RNF7: variants seen among roughly 807,000 people sequenced by gnomAD.
The protein encoded by RNF7 is ring finger protein 7.
Under a neutral mutation model 17.0 loss-of-function variants are expected in RNF7, and 9 were observed. The ratio of observed to expected loss-of-function variants is 0.53; its 90% confidence interval spans 0.32 to 0.92. RNF7 has a LOEUF of 0.92. RNF7 is among the 40% of genes least tolerant of loss of function. The pLI is 0.04. For missense variants in RNF7, 87 were observed against 145.8 expected, an observed-to-expected ratio of 0.60 and a Z score of 2.08; for synonymous variants, 59 against 50.5, an observed-to-expected ratio of 1.17 and a Z score of -0.72.
Position 141,740,685 on chromosome 3 carries a change from G to T in RNF7, c.175+2169G>T, listed in dbSNP as rs767340807. On this transcript the variant is annotated intron_variant, in intron 1 of 2. Coordinates refer to ENST00000273480, the MANE Select transcript of RNF7 (RefSeq NM_014245.5). ...TAGCATCATTCTAAAAGGTGTTATTGTACTCCTTAGAAATGTGCTGTTTTA... is the reference window on the plus strand; with the variant it reads ...TAGCATCATTCTAAAAGGTGTTATTTTACTCCTTAGAAATGTGCTGTTTTA... Among the ~76,000 whole-genome samples the T allele has an allele frequency of 2.6e-5, 4 of 152,232 alleles. No homozygotes were observed. In the Middle Eastern group the frequency reaches 0.01, roughly 388 times the overall value.
Position 141,738,424 on chromosome 3 carries a change from A to G in RNF7, c.83A>G (p.Lys28Arg). The part of the protein sequence containing the change: ...GSSGSKSGGD[K>R]MFSLKKWNAV... ...TCAGGCTCCAAGTCGGGAGGCGACA[A>G]GATGTTCTCCCTCAAGAAGTGGAAC... Residue 28 changes from lysine to arginine, a missense_variant, in exon 1 of 3, where the codon AAG (lysine) becomes AGG (arginine). Lys to Arg is a conservative substitution (Grantham distance 26). Coordinates refer to ENST00000273480, the MANE Select transcript of RNF7 (RefSeq NM_014245.5). 3 of 1,612,596 alleles carry G rather than the reference A, an allele frequency of 1.9e-6. No homozygotes were observed. The highest frequency in any genetic ancestry group is 2.5e-6 in the Non-Finnish European group (3 of 1,179,374).
intron 1 of RNF7, chr3:141,742,945 C>A (rs2084435898): frequency 9.9e-7 from 1 of 1,014,384 alleles, no homozygotes; most frequent in East Asian, 1.0e-4. Context: ...GTTTATGAAG[C>A]AATTTTTTAA....
At position 141,738,405 on chromosome 3, in the gene RNF7, T is replaced by G; in HGVS notation, c.64T>G (p.Ser22Ala). 1 of 1,607,698 alleles carries G rather than the reference T, an allele frequency of 6.2e-7. No homozygotes were observed. The highest frequency in any genetic ancestry group is 8.5e-7 in the Non-Finnish European group (1 of 1,177,140). ...GGCCTCTCACTCCGGGAGCTCAGGC[T>G]CCAAGTCGGGAGGCGACAAGATGTT... ...ALASHSGSSG[S>A]KSGGDKMFSL... is the part of the protein sequence containing the mutation. The change falls in exon 1 of 3, where the codon TCC becomes GCC. Residue 22 changes from serine (S) to alanine (A), a missense_variant. By Grantham distance (99) the Ser-to-Ala change is moderately conservative. Coordinates refer to ENST00000273480, the MANE Select transcript of RNF7 (RefSeq NM_014245.5).
chr3:141,745,491 G>A lies in RNF7; in HGVS notation c.*214G>A, dbSNP rs1236727491. On this transcript the variant is annotated 3_prime_UTR_variant, in exon 3 of 3. Coordinates refer to ENST00000273480, the MANE Select transcript of RNF7 (RefSeq NM_014245.5). The stretch of plus-strand genomic sequence containing the variant: ...GCGATTAAGAAGATAATTTATTAAA[G>A]GTGGTCCTTCCTACCTCTGTGGTGT... 2.9e-6 allele frequency: 1 copy of A among 348,790 alleles called. No homozygotes were observed. Among genetic ancestry groups the A allele is most frequent in the Non-Finnish European group, 5.4e-6 (1 of 185,324 alleles). The allele number at this position is 348,790 out of a possible 1,614,324, so 21.6% of individuals were successfully genotyped here.
Position 141,746,539 on chromosome 3 carries a change from C to T in RNF7, c.*1262C>T, listed in dbSNP as rs2084475097. ...TAAGGTTTATTACCTGGAAAGAGTG[C>T]AAGAAAATACTAAACAACTTTATCA... On this transcript the variant is annotated 3_prime_UTR_variant, in exon 3 of 3. Coordinates refer to ENST00000273480, the MANE Select transcript of RNF7 (RefSeq NM_014245.5). The T allele has an allele frequency of 6.6e-6, 1 of 151,104 alleles. No homozygotes were observed. The highest frequency in any genetic ancestry group is 2.0e-4 in the East Asian group (1 of 5,104). The allele number at this position is 151,104 out of a possible 1,614,324, so 9.4% of individuals were successfully genotyped here. A position where few individuals can be genotyped will look rare whatever the true frequency, so the allele number is the denominator to read the frequency against.
intron 1 of RNF7, chr3:141,742,810 C>G: frequency 8.3e-7 from 1 of 1,206,380 alleles, no homozygotes; most frequent in Non-Finnish European, 1.0e-6. Flanking sequence ...CTATTGGAAG[C>G]ATACAAAGCA....
In RNF7 at chr3:141,738,926, G is replaced by A. The variant is rs568666358; in HGVS notation, c.175+410G>A. Among the ~76,000 whole-genome samples, 47 of 152,362 alleles carry A rather than the reference G, an allele frequency of 3.1e-4. No homozygotes were observed. In the South Asian group the frequency reaches 8.7e-3, roughly 28 times the overall value. On this transcript the variant is annotated intron_variant, in intron 1 of 2. Coordinates refer to ENST00000273480, the MANE Select transcript of RNF7 (RefSeq NM_014245.5). ...ACCTCTAAAAGCTCAACACAAGGTG[G>A]TCAGGGTAAAGGCCGTGATTCAGCA... is the stretch of plus-strand genomic sequence containing the variant.
At position 141,745,598 on chromosome 3, in the gene RNF7, TACA is replaced by T. The variant is rs142492597; in HGVS notation, c.*325_*327del. 0.064 allele frequency: 10,167 copies of T among 159,128 alleles called. 331 individuals carry two copies. Among genetic ancestry groups the T allele is most frequent in the South Asian group, 0.11 (553 of 5,004 alleles). The allele number at this position is 159,128 out of a possible 1,614,324, so 9.9% of individuals were successfully genotyped here. On this transcript the variant is annotated 3_prime_UTR_variant, in exon 3 of 3. Coordinates refer to ENST00000273480, the MANE Select transcript of RNF7 (RefSeq NM_014245.5). ...CACCTTTATAATTTACCCATTTCTA[TACA>T]ACAGGCAGTGGAAGCAGTTTCAGAG...
In RNF7 at chr3:141,738,433, C is replaced by T; in HGVS notation, c.92C>T (p.Ser31Phe). 1 of 1,613,200 alleles carries T rather than the reference C, an allele frequency of 6.2e-7. No individual in the cohort carries two copies. Among genetic ancestry groups the T allele is most frequent in the Non-Finnish European group, 8.5e-7 (1 of 1,179,600 alleles). ...AAGTCGGGAGGCGACAAGATGTTCT[C>T]CCTCAAGAAGTGGAACGCGGTGGCC... ...GSKSGGDKMFSLKKWNAVAMW... is the reference protein window; with the variant it reads ...GSKSGGDKMFFLKKWNAVAMW... The change falls in exon 1 of 3, where the codon TCC becomes TTC. Residue 31 changes from serine to phenylalanine, a missense_variant. Coordinates refer to ENST00000273480, the MANE Select transcript of RNF7 (RefSeq NM_014245.5).
intron 1 of RNF7, among the ~76,000 whole-genome samples, chr3:141,741,230 C>G (rs1221426738): frequency 6.6e-6 from 1 of 152,204 alleles, no homozygotes; most frequent in South Asian, 2.1e-4. Flanking sequence ...GATGTCTTCA[C>G]TGTTATATCA....
rs1254272913 is a variant in RNF7, at chr3:141,743,460, A to T, written c.176-49A>T. The T allele has an allele frequency of 2.0e-6, 3 of 1,501,526 alleles. No homozygotes were observed. The South Asian group carries it at 3.5e-5, about 17-fold the overall frequency. 93.0% of individuals were successfully genotyped at this position (1,501,526 alleles called of 1,614,324 possible). A position where few individuals can be genotyped will look rare whatever the true frequency, so the allele number is the denominator to read the frequency against. ...GACTTTGAAGTGTCTGGTTTTTAAA[A>T]ATTGCATTCTGAGCATCAGAATGAG... On this transcript the variant is annotated intron_variant, in intron 1 of 2. Transcript: ENST00000273480.
chr3:141,742,667 T>A, intron 1 of RNF7: 7 of 1,152,026 alleles, frequency 6.1e-6, no homozygotes, highest in Non-Finnish European at 8.1e-6. Flanking sequence ...AGTTCGTAAT[T>A]GGTCCGAGGC....
At chr3:141,738,646 T>G in intron 1 of RNF7, 130 bp downstream of exon 1, 1 of 986,322 alleles carries the variant, frequency 1.0e-6, no homozygotes, top group East Asian at 3.0e-5. Context: ...GAGGTCGCCC[T>G]GCCCCGGCGC....
chr3:141,739,758 CTTTTGAAAGACCTTGATAT>C (rs1345112255), intron 1 of RNF7, among the ~76,000 whole-genome samples: 6 of 152,172 alleles, frequency 3.9e-5, no homozygotes, highest in Non-Finnish European at 8.8e-5. Context: ...TTATCTTTCT[CTTTTGAAAGACCTTGATAT>C]TAGACATGAC....
intron 2 of RNF7, among the ~76,000 whole-genome samples, chr3:141,744,442 A>G (rs1432916828): frequency 1.3e-5 from 2 of 152,114 alleles, no homozygotes; most frequent in African/African-American, 2.4e-5. Flanking sequence ...GGACAGATGA[A>G]TCCCAAATTC....
At chr3:141,741,690 T>G (rs9790069) in intron 1 of RNF7, among the ~76,000 whole-genome samples, 1,653 of 152,332 alleles carry the variant, frequency 0.011, 28 homozygotes, top group East Asian at 0.07. Context: ...GCTGATAGTA[T>G]TCCAGATTGA....
rs1035301409 is a variant in RNF7, at chr3:141,746,556, A to G, written c.*1279A>G. ...AAAGAGTGCAAGAAAATACTAAACA[A>G]CTTTATCAAACTGATTCACACTGAG... is the stretch of plus-strand genomic sequence containing the variant. On this transcript the variant is annotated 3_prime_UTR_variant, in exon 3 of 3. Coordinates refer to ENST00000273480, the MANE Select transcript of RNF7 (RefSeq NM_014245.5). 2.0e-5 allele frequency: 3 copies of G among 152,122 alleles called. No individual in the cohort carries two copies. Among genetic ancestry groups the G allele is most frequent in the Non-Finnish European group, 2.9e-5 (2 of 68,010 alleles). The allele number at this position is 152,122 out of a possible 1,614,324, so 9.4% of individuals were successfully genotyped here.
chr3:141,743,869 T>A (rs979617866), intron 2 of RNF7, among the ~76,000 whole-genome samples: 3 of 152,226 alleles, frequency 2.0e-5, no homozygotes, highest in African/African-American at 7.2e-5. Flanking sequence ...AAACATTATT[T>A]GAATTTTGGC....
chr3:141,738,741 C>T (rs1326092610), intron 1 of RNF7, among the ~76,000 whole-genome samples: 2 of 152,224 alleles, frequency 1.3e-5, no homozygotes, highest in Non-Finnish European at 2.9e-5. Context: ...CAACAGGCGC[C>T]CTGCGCCGGG....
Sources: gnomAD v4.1 joint callset for allele counts (sites outside exome capture counted in the v4.1 genomes callset) on GRCh38, gnomAD v4.1.1 for gene constraint, MANE v1.5 for transcripts, NCBI Gene and HGNC (gene_info 2026-07-23, HGNC 2026-07-21) for gene names.